Variants in TMCO4 observed in about 807,000 individuals in gnomAD.
TMCO4 encodes the protein transmembrane and coiled-coil domain-containing protein 4.
In TMCO4, 58 loss-of-function variants were observed where a neutral mutation model predicts 64.7. The ratio of observed to expected loss-of-function variants is 0.90; its 90% CI spans 0.73 to 1.12. The LOEUF (loss-of-function observed/expected upper bound fraction) is 1.12. Among genes scored for constraint, TMCO4 ranks in the 50% most tolerant of loss-of-function variants. TMCO4 has a pLI of 0.00. For synonymous variants in TMCO4, 325 were observed against 346.1 expected, an observed-to-expected ratio of 0.94 and a Z score of 0.68; for missense variants, 780 against 825.9, an observed-to-expected ratio of 0.94 and a Z score of 0.68.
chr1:19,722,265 A>G (rs2095388339), intron 13 of TMCO4, among the ~76,000 whole-genome samples: 1 of 152,198 alleles, frequency 6.6e-6, no homozygotes, highest in Non-Finnish European at 1.5e-5. Flanking sequence ...GAGGCCCAGC[A>G]TATCAGCCTC....
At position 19,743,953 on chromosome 1, in the gene TMCO4, G is replaced by A. The variant is rs1304781467; in HGVS notation, c.877+1579C>T. Among the ~76,000 whole-genome samples, 1 of 152,274 alleles carries A rather than the reference G, an allele frequency of 6.6e-6. No individual in the cohort carries two copies. The highest frequency in any genetic ancestry group is 1.9e-4 in the East Asian group (1 of 5,174). On this transcript the variant is annotated intron_variant, in intron 10 of 15. Coordinates refer to ENST00000294543, the MANE Select transcript of TMCO4 (RefSeq NM_181719.7). This position sits in a 1 kb window ranked among gnomAD's most constrained non-coding sequence, Gnocchi z 4.1. ...GACTCAAGGTAGGTGTGAACGAGGC[G>A]CTCACTGAACGCTAGTGACCTCTGT... is the stretch of plus-strand genomic sequence containing the variant.
At position 19,771,292 on chromosome 1, in the gene TMCO4, C is replaced by T. The variant is rs1222216826; in HGVS notation, c.354+16G>A. 1.2e-6 allele frequency: 2 copies of T among 1,608,550 alleles called. No individual in the cohort carries two copies. Among genetic ancestry groups the T allele is most frequent in the Admixed American group, 1.7e-5 (1 of 59,764 alleles). The stretch of plus-strand genomic sequence containing the variant: ...TTCTACTGTCCCCAGCAGCCACCAC[C>T]AGGTGTTGGGTGTACCTGAGTGATC... On this transcript the variant is annotated intron_variant, in intron 5 of 15. Coordinates refer to ENST00000294543, the MANE Select transcript of TMCO4 (RefSeq NM_181719.7).
intron 15 of TMCO4, among the ~76,000 whole-genome samples, chr1:19,687,984 G>GAGGCAGGTCGGGAA (rs1553123270): frequency 6.6e-6 from 1 of 152,158 alleles, no homozygotes; most frequent in African/African-American, 2.4e-5. Context: ...GAAGAGGGGT[G>GAGGCAGGTCGGGAA]AGGCAGGTCG....
Position 19,686,409 on chromosome 1 carries a change from A to G in TMCO4, c.1501-2965T>C, listed in dbSNP as rs114311610. Among the ~76,000 whole-genome samples the G allele has an allele frequency of 3.0e-3, 452 of 152,356 alleles. 2 individuals are homozygous for G. Among genetic ancestry groups the G allele is most frequent in the Non-Finnish European group, 4.7e-3 (322 of 68,042 alleles). On this transcript the variant is annotated intron_variant, in intron 15 of 15. Transcript: ENST00000294543. ...TTGGGAATCTCAGAAAACAGCACAA[A>G]GACACTGCTGGTAACATCTGCATTT...
intron 10 of TMCO4, among the ~76,000 whole-genome samples, chr1:19,742,977 G>C (rs1479949945): frequency 6.6e-6 from 1 of 152,128 alleles, no homozygotes; most frequent in Admixed American, 6.5e-5. Context: ...TAGAACCCGG[G>C]AGGCGGAGGT....
chr1:19,797,040 G>A (rs2044341679), intron 2 of TMCO4, among the ~76,000 whole-genome samples: 1 of 152,202 alleles, frequency 6.6e-6, no homozygotes, highest in Admixed American at 6.5e-5. Context: ...ATCCCTGTGT[G>A]CTGAATGAAA....
At chr1:19,714,528 A>G (rs2095346604) in intron 13 of TMCO4, among the ~76,000 whole-genome samples, 1 of 152,198 alleles carries the variant, frequency 6.6e-6, no homozygotes, top group East Asian at 1.9e-4. Flanking sequence ...TGGTGGTTTT[A>G]TAAGACTGGA....
intron 4 of TMCO4, among the ~76,000 whole-genome samples, chr1:19,777,168 G>T (rs1045949357): frequency 1.3e-5 from 2 of 152,156 alleles, no homozygotes; most frequent in Admixed American, 1.3e-4. Context: ...TGGCTTCTCG[G>T]GGTATTTTGG....
chr1:19,733,655 A>G (rs900454150), intron 13 of TMCO4, among the ~76,000 whole-genome samples: 1 of 152,116 alleles, frequency 6.6e-6, no homozygotes, highest in South Asian at 2.1e-4. Context: ...TGGGAAAACA[A>G]TTGCCCACGT....
chr1:19,737,444 C>T lies in TMCO4; in HGVS notation c.1192G>A (p.Val398Ile). Residue 398 changes from valine to isoleucine, a missense_variant, in exon 13 of 16, where the codon GTC becomes ATC. Coordinates refer to ENST00000294543, the MANE Select transcript of TMCO4 (RefSeq NM_181719.7). ...CCCAGGCTGAAGCCAATCAAGGTGA[C>T]AGGTCGTCGCCCCTGAAGGGAAAAA... ...LLSRQQGRRP[V>I]TLIGFSLGAR... is the part of the protein sequence containing the mutation. 1 of 1,614,032 alleles carries T rather than the reference C, an allele frequency of 6.2e-7. No individual in the cohort carries two copies. Among genetic ancestry groups the T allele is most frequent in the Non-Finnish European group, 8.5e-7 (1 of 1,179,974 alleles).
intron 6 of TMCO4, among the ~76,000 whole-genome samples, chr1:19,758,204 C>T (rs1466024020): frequency 6.6e-6 from 1 of 151,762 alleles, no homozygotes; most frequent in Non-Finnish European, 1.5e-5. Flanking sequence ...GACCCAGGGT[C>T]CCCAGAGTGA....
intron 2 of TMCO4, among the ~76,000 whole-genome samples, chr1:19,788,305 A>T (rs1398268813): frequency 6.6e-6 from 1 of 152,232 alleles, no homozygotes; most frequent in African/African-American, 2.4e-5. Context: ...ATTGCCATTT[A>T]CAGATATCAG....
intron 14 of TMCO4, 123 bp from the exon 15 acceptor site, chr1:19,694,674 C>T: frequency 1.2e-6 from 1 of 817,264 alleles, no homozygotes; most frequent in East Asian, 2.5e-5. Flanking sequence ...GAAAACAGGG[C>T]CCCTGATTGC....
chr1:19,796,916 T>C (rs1054508424), intron 2 of TMCO4, among the ~76,000 whole-genome samples: 4 of 152,138 alleles, frequency 2.6e-5, no homozygotes, highest in African/African-American at 7.2e-5. Flanking sequence ...GACAATGTAT[T>C]ATAGGTTTAT....
intron 13 of TMCO4, among the ~76,000 whole-genome samples, chr1:19,710,867 GGC>G (rs2095327782): frequency 6.6e-6 from 1 of 152,170 alleles, no homozygotes; most frequent in South Asian, 2.1e-4. Flanking sequence ...GTATAGACCC[GGC>G]CAAGAGCATG....
chr1:19,756,612 G>A (rs1449119309), intron 6 of TMCO4, among the ~76,000 whole-genome samples: 3 of 152,106 alleles, frequency 2.0e-5, no homozygotes, highest in South Asian at 4.1e-4. Context: ...CCATCCAGCC[G>A]AAAACCAAGG....
intron 13 of TMCO4, among the ~76,000 whole-genome samples, chr1:19,706,690 A>G (rs551670607): frequency 3.0e-4 from 46 of 152,358 alleles, no homozygotes; most frequent in African/African-American, 1.0e-3. Context: ...CCAAACCTGC[A>G]GTAGTTGGAA....
intron 15 of TMCO4, among the ~76,000 whole-genome samples, chr1:19,693,494 A>G (rs2100567584): frequency 6.6e-6 from 1 of 152,290 alleles, no homozygotes; most frequent in East Asian, 1.9e-4. Context: ...AAACAAAAAG[A>G]AAAAGAAAAG....
chr1:19,711,439 A>C (rs1046990103), intron 13 of TMCO4, among the ~76,000 whole-genome samples: 21 of 152,302 alleles, frequency 1.4e-4, no homozygotes, highest in Middle Eastern at 3.4e-3. Context: ...TAAAGTGAGA[A>C]ATGTGTGATG....
Sources: allele counts gnomAD v4.1 joint callset (sites outside exome capture counted in the v4.1 genomes callset), GRCh38; gene constraint gnomAD v4.1.1; non-coding constraint Gnocchi (gnomAD v3.1); transcripts MANE v1.5; gene names NCBI Gene and HGNC (gene_info 2026-07-23, HGNC 2026-07-21).